LMBR1: variants seen among roughly 807,000 people sequenced by gnomAD.
LMBR1 encodes limb region 1 protein homolog.
LMBR1 carries 52 observed loss-of-function variants against 73.9 expected under a neutral mutation model. The ratio of observed to expected loss-of-function variants is 0.70; its 90% CI spans 0.56 to 0.89. The LOEUF is 0.89. Among genes scored for constraint, LMBR1 ranks in the 40% least tolerant of loss-of-function variants. The pLI is 0.00. For missense variants in LMBR1, 539 were observed against 579.8 expected, an observed-to-expected ratio of 0.93 and a Z score of 0.72; for synonymous variants, 215 against 209.4, an observed-to-expected ratio of 1.03 and a Z score of -0.23.
At chr7:156,698,358 T>G (rs1808792642) in intron 15 of LMBR1, among the ~76,000 whole-genome samples, 1 of 152,186 alleles carries the variant, frequency 6.6e-6, no homozygotes, top group Non-Finnish European at 1.5e-5. Flanking sequence ...ACAGCTCCAC[T>G]AGGCAGTGCC....
intron 16 of LMBR1, 128 bp downstream of exon 16, chr7:156,687,902 G>C (rs1175131226): frequency 1.1e-5 from 9 of 799,296 alleles, no homozygotes; most frequent in Non-Finnish European, 1.7e-5. Flanking sequence ...ACAAAGTAGG[G>C]GATCAATAAT....
chr7:156,820,313 C>A (rs1834553451), intron 4 of LMBR1, among the ~76,000 whole-genome samples: 1 of 152,092 alleles, frequency 6.6e-6, no homozygotes, highest in Non-Finnish European at 1.5e-5. Context: ...GCTGACAAGG[C>A]CAGCAATACG....
intron 9 of LMBR1, among the ~76,000 whole-genome samples, chr7:156,743,167 T>A (rs1320528065): frequency 6.6e-6 from 1 of 152,178 alleles, no homozygotes; most frequent in East Asian, 1.9e-4. Context: ...TCACTCTACT[T>A]CGTCTGGTGG....
chr7:156,728,847 A>G, intron 10 of LMBR1, 127 bp from the exon 11 acceptor site: 2 of 707,964 alleles, frequency 2.8e-6, no homozygotes, highest in Non-Finnish European at 4.5e-6. Context: ...ATTTTCCTCC[A>G]TAAACTAAAA....
chr7:156,710,982 G>T (rs917835421), intron 15 of LMBR1, among the ~76,000 whole-genome samples: 2 of 152,044 alleles, frequency 1.3e-5, no homozygotes, highest in Non-Finnish European at 2.9e-5. Context: ...AGCCAAGGAG[G>T]TGAAAGATAT....
intron 5 of LMBR1, among the ~76,000 whole-genome samples, chr7:156,776,354 T>C (rs775533256): frequency 1.3e-5 from 2 of 152,070 alleles, no homozygotes; most frequent in African/African-American, 4.8e-5. Context: ...CCCATCTTTC[T>C]CCATGATATG....
At chr7:156,692,535 T>C (rs577959577) in intron 15 of LMBR1, among the ~76,000 whole-genome samples, 1 of 152,192 alleles carries the variant, frequency 6.6e-6, no homozygotes, top group Non-Finnish European at 1.5e-5. Context: ...ACAAAGTATA[T>C]GAAACAACAG....
At chr7:156,762,695 T>A (rs1823279933) in intron 7 of LMBR1, among the ~76,000 whole-genome samples, 1 of 152,186 alleles carries the variant, frequency 6.6e-6, no homozygotes, top group African/African-American at 2.4e-5. Flanking sequence ...TTATCATACA[T>A]AATTCTACCA....
intron 1 of LMBR1, among the ~76,000 whole-genome samples, chr7:156,846,876 T>C (rs920701619): frequency 6.6e-6 from 1 of 152,164 alleles, no homozygotes; most frequent in Non-Finnish European, 1.5e-5. Context: ...TTTGAGGTAA[T>C]GGACATGCTA....
chr7:156,674,090 T>C (rs1476250209), downstream of LMBR1, among the ~76,000 whole-genome samples: 1 of 152,180 alleles, frequency 6.6e-6, no homozygotes, highest in African/African-American at 2.4e-5. Flanking sequence ...ATGAAGCAGA[T>C]GTAACTGCTG....
At chr7:156,785,010 A>C (rs1047518530) in intron 5 of LMBR1, among the ~76,000 whole-genome samples, 4 of 152,164 alleles carry the variant, frequency 2.6e-5, no homozygotes, top group African/African-American at 9.7e-5. Flanking sequence ...ATATATGTAC[A>C]CAAGATGAAC....
At chr7:156,851,930 T>C (rs932634927) in intron 1 of LMBR1, among the ~76,000 whole-genome samples, 1 of 152,170 alleles carries the variant, frequency 6.6e-6, no homozygotes, top group Non-Finnish European at 1.5e-5. Context: ...AGGAAAGCAA[T>C]ATGATGGCCT....
At chr7:156,758,906 G>A (rs910771155) in intron 8 of LMBR1, among the ~76,000 whole-genome samples, 6 of 152,246 alleles carry the variant, frequency 3.9e-5, no homozygotes, top group Non-Finnish European at 7.4e-5. Flanking sequence ...ACAATCCTAC[G>A]AAAAACAGAC....
rs757422910 is a variant in LMBR1 at position 156,725,523 on chromosome 7, T to C, written c.1070A>G (p.Tyr357Cys). The C allele has an allele frequency of 1.3e-6, 2 of 1,582,996 alleles. No individual in the cohort carries two copies. Among genetic ancestry groups the C allele is most frequent in the South Asian group, 1.1e-5 (1 of 86,958 alleles). ...GAALEIILIF[Y>C]LMVSSVVGFY... is the part of the protein sequence containing the mutation. ...GCCGACAACAGAGGACACCATAAGA[T>C]AGCTGTGAGAATCAAGGAAAAAAAC... Residue 357 changes from tyrosine to cysteine, a missense_variant and splice_region_variant, in exon 14 of 17, where the codon TAT becomes TGT. Around this residue, in one of 3 missense-constraint regions of LMBR1, gnomAD observed 454 missense variants for 473.4 expected, o/e 0.96. Coordinates refer to ENST00000353442, the MANE Select transcript of LMBR1 (RefSeq NM_022458.4).
intron 6 of LMBR1, 143 bp from the exon 7 acceptor site, chr7:156,763,319 T>A (rs1283288478): frequency 1.3e-5 from 6 of 473,384 alleles, no homozygotes; most frequent in Non-Finnish European, 2.2e-5. Flanking sequence ...AGCCATATAA[T>A]TTCTAAATTG....
intron 3 of LMBR1, among the ~76,000 whole-genome samples, chr7:156,829,506 G>A (rs1836292285): frequency 1.3e-5 from 2 of 152,132 alleles, no homozygotes. Flanking sequence ...ATGAGTAAAC[G>A]CTTCCTGCGG....
At chr7:156,869,373 T>C (rs1185363347) in intron 1 of LMBR1, among the ~76,000 whole-genome samples, 1 of 152,176 alleles carries the variant, frequency 6.6e-6, no homozygotes, top group Non-Finnish European at 1.5e-5. Flanking sequence ...GCATAACTTT[T>C]GCTTGGAAAC....
chr7:156,702,032 T>C (rs1809856955), intron 15 of LMBR1, among the ~76,000 whole-genome samples: 1 of 152,246 alleles, frequency 6.6e-6, no homozygotes, highest in South Asian at 2.1e-4. Flanking sequence ...CTATCACAGA[T>C]GGGCATTTGG....
chr7:156,759,987 C>T (rs1055282811), intron 8 of LMBR1, among the ~76,000 whole-genome samples: 8 of 152,134 alleles, frequency 5.3e-5, no homozygotes, highest in African/African-American at 1.9e-4. Flanking sequence ...CAGTTAGGAA[C>T]AGGTAACTAA....
Sources: allele counts gnomAD v4.1 joint callset (sites outside exome capture counted in the v4.1 genomes callset), GRCh38; gene constraint gnomAD v4.1.1; regional missense constraint gnomAD v4.1.1; transcripts MANE v1.5; gene names NCBI Gene and HGNC (gene_info 2026-07-23, HGNC 2026-07-21).